CSMD3: variants seen among roughly 807,000 people sequenced by gnomAD.
CSMD3 encodes the protein CUB and Sushi multiple domains 3, also known as CUB and sushi domain-containing protein 3.
A neutral mutation model predicts 435.2 loss-of-function variants in CSMD3; 177 were observed. That is an observed-to-expected ratio of 0.41 (90% CI 0.36 to 0.46). The LOEUF is 0.46. CSMD3 is among the 20% of genes least tolerant of loss of function. CSMD3 has a pLI of 0.34. For synonymous variants in CSMD3, 1,656 were observed against 1,520.5 expected (o/e 1.09, Z -2.07); for missense variants, 4,265 against 4,504.6 (o/e 0.95, Z 1.52).
intron 16 of CSMD3, among the ~76,000 whole-genome samples, chr8:112,678,864 A>G (rs1239010577): frequency 6.6e-6 from 1 of 152,118 alleles, no homozygotes; most frequent in Non-Finnish European, 1.5e-5. Flanking sequence ...AGTTTCAGTG[A>G]AAATCTTAAG....
intron 16 of CSMD3, among the ~76,000 whole-genome samples, chr8:112,666,698 G>A (rs1458778831): frequency 6.6e-6 from 1 of 151,984 alleles, no homozygotes; most frequent in Non-Finnish European, 1.5e-5. Context: ...ATATATTCTT[G>A]TCTCTCCATC....
chr8:113,068,502 C>T (rs115988227), intron 5 of CSMD3, among the ~76,000 whole-genome samples: 374 of 152,250 alleles, frequency 2.5e-3, no homozygotes, highest in African/African-American at 8.6e-3. Context: ...TCTTTCCTAT[C>T]TATTCTTTTG....
At chr8:112,582,711 C>G (rs4313186) in intron 23 of CSMD3, among the ~76,000 whole-genome samples, 87,335 of 151,770 alleles carry the variant, frequency 0.58, 25,663 homozygotes, top group African/African-American at 0.68. Flanking sequence ...TTGTGTCCCC[C>G]CAAATTTGTA....
chr8:113,353,009 G>A (rs1172092628), intron 1 of CSMD3, among the ~76,000 whole-genome samples: 1 of 152,140 alleles, frequency 6.6e-6, no homozygotes, highest in Non-Finnish European at 1.5e-5. Flanking sequence ...AAGCTAAAAT[G>A]ATGGAAGGAA....
At chr8:112,560,256 A>G (rs1488546933) in intron 24 of CSMD3, among the ~76,000 whole-genome samples, 1 of 151,766 alleles carries the variant, frequency 6.6e-6, no homozygotes, top group African/African-American at 2.4e-5. Flanking sequence ...AGGGGTCTTA[A>G]TCACTTCCTC....
intron 13 of CSMD3, among the ~76,000 whole-genome samples, chr8:112,719,982 AC>A (rs1476319130): frequency 6.6e-6 from 1 of 152,140 alleles, no homozygotes; most frequent in Admixed American, 6.6e-5. Flanking sequence ...GAGACGAAGA[AC>A]CTATCTTTCT....
At chr8:112,784,040 T>G (rs962110564) in intron 13 of CSMD3, among the ~76,000 whole-genome samples, 3 of 151,950 alleles carry the variant, frequency 2.0e-5, no homozygotes, top group Admixed American at 1.3e-4. Flanking sequence ...GTTATCCAGA[T>G]AGAAAATCAA....
intron 27 of CSMD3, 130 bp from the exon 28 acceptor site, chr8:112,517,355 T>G (rs1408946868): frequency 1.6e-6 from 1 of 634,652 alleles, no homozygotes; most frequent in African/African-American, 1.8e-5. Flanking sequence ...ATAAACACTT[T>G]CTCCATATTT....
chr8:113,291,672 T>C (rs1429546444), intron 2 of CSMD3, among the ~76,000 whole-genome samples: 1 of 151,756 alleles, frequency 6.6e-6, no homozygotes, highest in Non-Finnish European at 1.5e-5. Flanking sequence ...CCCCTACGAG[T>C]AGCCACCAGT....
chr8:112,358,842 C>T (rs985580949), intron 38 of CSMD3, among the ~76,000 whole-genome samples: 1 of 151,962 alleles, frequency 6.6e-6, no homozygotes, highest in South Asian at 2.1e-4. Flanking sequence ...TTATTCATAC[C>T]CCAAACCTCA....
intron 1 of CSMD3, among the ~76,000 whole-genome samples, chr8:113,365,136 G>A (rs2094303114): frequency 6.6e-6 from 1 of 151,948 alleles, no homozygotes; most frequent in East Asian, 1.9e-4. Flanking sequence ...AAATGAGCAA[G>A]AGTTTATGAC....
intron 27 of CSMD3, among the ~76,000 whole-genome samples, chr8:112,526,888 A>T (rs1032811506): frequency 4.5e-4 from 68 of 151,958 alleles, no homozygotes; most frequent in African/African-American, 1.4e-3. Context: ...GTATAATATT[A>T]TTTAATGATA....
chr8:112,295,914 G>T lies in CSMD3; in HGVS notation c.8533C>A (p.Pro2845Thr), dbSNP rs2130715121. Reference sequence around the variant, plus strand: ...GAAGAACCAATCAATCGAAAACCAGGATTACATTGATATACAACTGTGTCT... The same window carrying T: ...GAAGAACCAATCAATCGAAAACCAGTATTACATTGATATACAACTGTGTCT... ...YRDTVVYQCN[P>T]GFRLIGSSVR... Residue 2845 changes from proline to threonine, a missense_variant, in exon 54 of 71, where the codon CCT (proline) becomes ACT (threonine). Physicochemically the swap from Pro to Thr is conservative, Grantham distance 38 (BLOSUM62 -1). This residue lies in a region of CSMD3 where 3,255 missense variants were observed against 3,380.2 expected (regional missense o/e 0.96). Transcript: ENST00000297405. The T allele has an allele frequency of 3.1e-6, 5 of 1,613,546 alleles. No homozygotes were observed. The highest frequency in any genetic ancestry group is 4.2e-6 in the Non-Finnish European group (5 of 1,179,672).
intron 9 of CSMD3, among the ~76,000 whole-genome samples, chr8:112,946,625 G>T (rs2083617384): frequency 6.6e-6 from 1 of 151,706 alleles, no homozygotes; most frequent in Non-Finnish European, 1.5e-5. Context: ...TGGTCTGTAA[G>T]ATATAACCAT....
At chr8:113,291,343 T>C (rs2093685163) in intron 2 of CSMD3, among the ~76,000 whole-genome samples, 1 of 151,814 alleles carries the variant, frequency 6.6e-6, no homozygotes, top group Admixed American at 6.6e-5. Flanking sequence ...CATCATAATA[T>C]TTCAATCATT....
intron 5 of CSMD3, among the ~76,000 whole-genome samples, chr8:113,069,337 C>T (rs1430495123): frequency 4.6e-5 from 7 of 152,092 alleles, no homozygotes; most frequent in Non-Finnish European, 8.8e-5. Context: ...AAGTTTGGAA[C>T]AACATGTCTT....
intron 1 of CSMD3, among the ~76,000 whole-genome samples, chr8:113,415,585 T>C (rs2094578569): frequency 6.6e-6 from 1 of 152,164 alleles, no homozygotes; most frequent in African/African-American, 2.4e-5. Context: ...TACAGATTAT[T>C]AAAAATTTGG....
chr8:112,304,094 C>T (rs754383509), intron 52 of CSMD3, among the ~76,000 whole-genome samples: 60 of 152,110 alleles, frequency 3.9e-4, no homozygotes, highest in Non-Finnish European at 7.5e-4. Context: ...AATAAAACGC[C>T]TTAACTGCTC....
intron 32 of CSMD3, 90 bp downstream of exon 32, chr8:112,472,501 G>A (rs755270847): frequency 3.2e-5 from 25 of 782,226 alleles, no homozygotes; most frequent in Non-Finnish European, 4.2e-5. Flanking sequence ...TGGATAGCAC[G>A]TATTTTCATT....
Sources: gnomAD v4.1 joint callset for allele counts (sites outside exome capture counted in the v4.1 genomes callset) on GRCh38, gnomAD v4.1.1 for gene constraint, gnomAD v4.1.1 regional missense constraint, MANE v1.5 for transcripts, NCBI Gene and HGNC (gene_info 2026-07-23, HGNC 2026-07-21) for gene names.